ITSN1: variants seen among roughly 807,000 people sequenced by gnomAD.
ITSN1 encodes the protein intersectin 1.
ITSN1 carries 58 observed loss-of-function variants against 239.8 expected under a neutral mutation model. That is an observed-to-expected ratio of 0.24 (90% CI 0.20 to 0.30). ITSN1 has a LOEUF of 0.30. ITSN1 is among the 10% of genes least tolerant of loss of function. The pLI is 1.00. For synonymous variants in ITSN1, 780 were observed against 770.8 expected, an observed-to-expected ratio of 1.01 and a Z score of -0.20; for missense variants, 1,558 against 2,103.3, an observed-to-expected ratio of 0.74 and a Z score of 5.07.
intron 11 of ITSN1, among the ~76,000 whole-genome samples, chr21:33,770,764 A>ATT (rs199737103): frequency 0.038 from 5,050 of 133,576 alleles, 384 homozygotes; most frequent in African/African-American, 0.13. Context: ...GGGACTTTGA[A>ATT]TTTTTTTTTT....
At chr21:33,665,634 T>C (rs1478804322) in intron 1 of ITSN1, among the ~76,000 whole-genome samples, 2 of 152,184 alleles carry the variant, frequency 1.3e-5, no homozygotes, top group Non-Finnish European at 2.9e-5. Context: ...CATTCCTAGC[T>C]ATATACCAAA....
chr21:33,869,576 G>A (rs9979150), intron 33 of ITSN1, among the ~76,000 whole-genome samples: 56,769 of 152,070 alleles, frequency 0.37, 11,242 homozygotes, highest in East Asian at 0.51. Context: ...TGAGAAAGCC[G>A]ATACCAAAAG....
chr21:33,781,862 G>A, intron 15 of ITSN1, 132 bp from the exon 16 acceptor site: 1 of 861,012 alleles, frequency 1.2e-6, no homozygotes, highest in Non-Finnish European at 1.8e-6. Flanking sequence ...TACAGGTGTA[G>A]GCCACCGCAC....
At chr21:33,850,870 G>A (rs1349419122) in intron 29 of ITSN1, among the ~76,000 whole-genome samples, 2 of 152,144 alleles carry the variant, frequency 1.3e-5, no homozygotes, top group Non-Finnish European at 2.9e-5. Context: ...TGCAGCTCTG[G>A]GGTGCATGGG....
At chr21:33,874,798 G>A (rs953647841) in intron 33 of ITSN1, among the ~76,000 whole-genome samples, 4 of 151,908 alleles carry the variant, frequency 2.6e-5, no homozygotes, top group Admixed American at 1.3e-4. Flanking sequence ...ACAGGCATGC[G>A]CCACCACGCC....
At chr21:33,834,463 A>G (rs778588542) in intron 28 of ITSN1, 39 bp downstream of exon 28, 17 of 1,364,184 alleles carry the variant, frequency 1.2e-5, no homozygotes, top group Non-Finnish European at 1.7e-5. Context: ...GATGGTCTGC[A>G]TGCCACTTGA....
chr21:33,679,529 T>C (rs566431313), intron 1 of ITSN1, among the ~76,000 whole-genome samples: 21 of 152,330 alleles, frequency 1.4e-4, no homozygotes, highest in Admixed American at 1.0e-3. Context: ...GTTTTTGTTA[T>C]GTGTATTTTC....
chr21:33,836,864 T>A (rs2148411323), intron 29 of ITSN1: 8 of 663,852 alleles, frequency 1.2e-5, no homozygotes, highest in East Asian at 3.0e-5. Flanking sequence ...CCCTCCCTCC[T>A]TTTTCCTTTT....
In ITSN1 at chr21:33,892,445, G is replaced by C. The variant is rs139170790; in HGVS notation, c.*4145G>C. The C allele has an allele frequency of 3.3e-5, 5 of 152,182 alleles. No individual in the cohort carries two copies. Among genetic ancestry groups the C allele is most frequent in the Admixed American group, 3.3e-4 (5 of 15,278 alleles). The allele number at this position is 152,182 out of a possible 1,614,324, so 9.4% of individuals were successfully genotyped here. A position where few individuals can be genotyped will look rare whatever the true frequency, so the allele number is the denominator to read the frequency against. ...CATTCTCCTCCTTTTCCCTGGAGTG[G>C]ACCAGTGAGACCAAATGCTTGTGTT... On this transcript the variant is annotated 3_prime_UTR_variant, in exon 40 of 40. Transcript: ENST00000381318.
At position 33,797,724 on chromosome 21, in the gene ITSN1, C is replaced by T; in HGVS notation, c.2182+116C>T. 1.3e-6 allele frequency: 1 copy of T among 741,750 alleles called. No homozygotes were observed. Among genetic ancestry groups the T allele is most frequent in the East Asian group, 2.7e-5 (1 of 37,198 alleles). The allele number at this position is 741,750 out of a possible 1,614,324, so 45.9% of individuals were successfully genotyped here. On this transcript the variant is annotated intron_variant, in intron 18 of 39. Transcript: ENST00000381318. This position sits in a 1 kb window ranked among gnomAD's most constrained non-coding sequence, Gnocchi z 4.9. ...TGGCTACATTAACAGATGAGAACGTCAGTCTCTTATTTTGAGCATGGCCAG... is the reference window on the plus strand; with the variant it reads ...TGGCTACATTAACAGATGAGAACGTTAGTCTCTTATTTTGAGCATGGCCAG...
intron 15 of ITSN1, 141 bp downstream of exon 15, chr21:33,781,689 T>G: frequency 1.7e-6 from 1 of 587,328 alleles, no homozygotes; most frequent in African/African-American, 1.9e-5. Context: ...CAAGATTCTC[T>G]TGCCTCAGCC....
intron 33 of ITSN1, among the ~76,000 whole-genome samples, chr21:33,867,587 G>A (rs1423978146): frequency 6.6e-6 from 1 of 150,780 alleles, no homozygotes; most frequent in Non-Finnish European, 1.5e-5. Flanking sequence ...GATCGCTTGA[G>A]CCCAGAAGTT....
In ITSN1 at chr21:33,867,335, A is replaced by C; in HGVS notation, c.4173+4A>C. ...ATACCCACTGATCATTAAAAATGTAAGTACCTGTCTTGCCTTTTCAAGCAG... is the reference window on the plus strand; with the variant it reads ...ATACCCACTGATCATTAAAAATGTACGTACCTGTCTTGCCTTTTCAAGCAG... On this transcript the variant is annotated splice_donor_region_variant and intron_variant, in intron 33 of 39. Coordinates refer to ENST00000381318, the MANE Select transcript of ITSN1 (RefSeq NM_003024.3). The C allele has an allele frequency of 6.4e-7, 1 of 1,556,346 alleles. No homozygotes were observed.
In ITSN1 at chr21:33,772,221, A is replaced by G; in HGVS notation, c.1203A>G (p.Gln401=). Reference sequence around the variant, plus strand: ...GGAAGGAGCGTGAGCGCCAGGAGCAAGAGCGCAAAAGACAACTGGAACTGG... The same window carrying G: ...GGAAGGAGCGTGAGCGCCAGGAGCAGGAGCGCAAAAGACAACTGGAACTGG... The part of the protein sequence containing the change: ...QERKERERQE[Q]ERKRQLELEK... Residue 401 remains glutamine, a synonymous_variant, in exon 12 of 40, where the codon CAA becomes CAG. Transcript: ENST00000381318. 1.2e-6 allele frequency: 2 copies of G among 1,612,094 alleles called. No homozygotes were observed. Among genetic ancestry groups the G allele is most frequent in the Non-Finnish European group, 1.7e-6 (2 of 1,178,970 alleles).
chr21:33,718,687 C>T (rs1322872925), intron 1 of ITSN1, 110 bp from the exon 2 acceptor site: 5 of 733,136 alleles, frequency 6.8e-6, no homozygotes, highest in African/African-American at 1.8e-5. Flanking sequence ...TAGAGCTATG[C>T]TCTGGCTCTA....
intron 1 of ITSN1, among the ~76,000 whole-genome samples, chr21:33,666,948 A>G (rs2089969441): frequency 1.3e-5 from 2 of 152,072 alleles, no homozygotes; most frequent in Non-Finnish European, 2.9e-5. Context: ...GCAGGGAGGC[A>G]TTGTTTTACA....
chr21:33,654,711 AC>A (rs768629383), intron 1 of ITSN1, among the ~76,000 whole-genome samples: 8 of 152,162 alleles, frequency 5.3e-5, no homozygotes, highest in Non-Finnish European at 1.2e-4. Flanking sequence ...ATGCTCAAGG[AC>A]CCTAAGTAAA....
intron 1 of ITSN1, among the ~76,000 whole-genome samples, chr21:33,699,367 T>C (rs1213636225): frequency 6.6e-6 from 1 of 152,212 alleles, no homozygotes; most frequent in Non-Finnish European, 1.5e-5. Flanking sequence ...AATAAAAATC[T>C]GTTTCAAATA....
At chr21:33,885,590 C>T (rs1985656237) in intron 38 of ITSN1, 68 bp downstream of exon 38, 1 of 1,156,646 alleles carries the variant, frequency 8.6e-7, no homozygotes, top group Non-Finnish European at 1.3e-6. Flanking sequence ...CCCCACACCC[C>T]CACCTGGCTC....
Sources: allele counts gnomAD v4.1 joint callset (sites outside exome capture counted in the v4.1 genomes callset), GRCh38; gene constraint gnomAD v4.1.1; non-coding constraint Gnocchi (gnomAD v3.1); transcripts MANE v1.5; gene names NCBI Gene and HGNC (gene_info 2026-07-23, HGNC 2026-07-21).